The following PKHD1L1 variants were observed in gnomAD, a reference collection of about 807,000 sequenced individuals.
The protein encoded by PKHD1L1 is fibrocystin-L.
Under a neutral mutation model 462.9 loss-of-function variants are expected in PKHD1L1, and 434 were observed. The ratio of observed to expected loss-of-function variants is 0.94; its 90% confidence interval spans 0.87 to 1.02. The LOEUF (loss-of-function observed/expected upper bound fraction) is 1.02. PKHD1L1 is among the 50% of genes least tolerant of loss of function. The pLI is 0.00. For missense variants in PKHD1L1, 5,202 were observed against 5,096.1 expected, an observed-to-expected ratio of 1.02 and a Z score of -0.63; for synonymous variants, 1,781 against 1,750.0, an observed-to-expected ratio of 1.02 and a Z score of -0.44.
At chr8:109,452,355 G>T in intron 42 of PKHD1L1, 75 bp downstream of exon 42, 2 of 1,306,362 alleles carry the variant, frequency 1.5e-6, no homozygotes, top group Non-Finnish European at 2.0e-6. Flanking sequence ...ATTGGTAATT[G>T]TTGTTTTACT....
chr8:109,378,046 GA>G (rs1811927066), intron 2 of PKHD1L1, among the ~76,000 whole-genome samples: 1 of 151,864 alleles, frequency 6.6e-6, no homozygotes, highest in South Asian at 2.1e-4. Context: ...CTGCCCATCT[GA>G]AAAAAAGTAA....
rs1487831540 is a variant in PKHD1L1 at position 109,530,542 on chromosome 8, T to C, written c.*452T>C. ...TTCCAATAATCTAAGCCATTCTAGT[T>C]TCTAAGGATTTTGGAGAGACGAGAT... is the stretch of plus-strand genomic sequence containing the variant. On this transcript the variant is annotated 3_prime_UTR_variant, in exon 78 of 78. Transcript: ENST00000378402. Among the ~76,000 whole-genome samples, 1 of 152,218 alleles carries C rather than the reference T, an allele frequency of 6.6e-6. No homozygotes were observed. Among genetic ancestry groups the C allele is most frequent in the Admixed American group, 6.5e-5 (1 of 15,282 alleles).
intron 23 of PKHD1L1, among the ~76,000 whole-genome samples, chr8:109,423,986 G>A (rs1202182547): frequency 6.6e-6 from 1 of 152,030 alleles, no homozygotes; most frequent in Non-Finnish European, 1.5e-5. Context: ...TGATTTTTGT[G>A]TCTTTATCTT....
intron 38 of PKHD1L1, 105 bp from the exon 39 acceptor site, chr8:109,448,038 A>G: frequency 9.5e-7 from 1 of 1,055,280 alleles, no homozygotes; most frequent in Non-Finnish European, 1.3e-6. Flanking sequence ...TTAGTTTTAA[A>G]ACACTGGTTA....
At chr8:109,529,949 A>G (rs1820990781) in intron 77 of PKHD1L1, 131 bp from the exon 78 acceptor site, 1 of 468,116 alleles carries the variant, frequency 2.1e-6, no homozygotes, top group Non-Finnish European at 3.4e-6. Context: ...CTAACATTAA[A>G]TGGGTAAACT....
At chr8:109,471,621 A>G (rs1427054810) in intron 50 of PKHD1L1, among the ~76,000 whole-genome samples, 1 of 152,154 alleles carries the variant, frequency 6.6e-6, no homozygotes, top group Admixed American at 6.6e-5. Context: ...CCTCACGGTA[A>G]CAAGAGTATG....
intron 27 of PKHD1L1, among the ~76,000 whole-genome samples, chr8:109,430,887 A>G (rs1188900753): frequency 6.6e-6 from 1 of 152,174 alleles, no homozygotes; most frequent in Non-Finnish European, 1.5e-5. Context: ...TCACAAGAAT[A>G]AGGATTTGAT....
chr8:109,442,581 G>A (rs566399616), intron 35 of PKHD1L1, among the ~76,000 whole-genome samples: 4 of 152,250 alleles, frequency 2.6e-5, no homozygotes, highest in African/African-American at 9.6e-5. Context: ...AGTGTAAAAT[G>A]TGCCTTTTAG....
intron 50 of PKHD1L1, among the ~76,000 whole-genome samples, chr8:109,471,453 G>A (rs1183929285): frequency 6.6e-6 from 1 of 152,174 alleles, no homozygotes; most frequent in Non-Finnish European, 1.5e-5. Context: ...TTTACACAGT[G>A]AGACTGTACA....
chr8:109,384,109 C>T lies in PKHD1L1; in HGVS notation c.457C>T (p.Pro153Ser). Reference protein sequence around the residue: ...FRTPTIRSITPLSGTPGTLIT... With the variant: ...FRTPTIRSITSLSGTPGTLIT... ...AACCCCAACAATAAGAAGCATCACACCTTTATCTGGAACTCCAGGTCTGTT... is the reference window on the plus strand; with the variant it reads ...AACCCCAACAATAAGAAGCATCACATCTTTATCTGGAACTCCAGGTCTGTT... Residue 153 changes from proline to serine, a missense_variant, in exon 5 of 78, where the codon CCT (proline) becomes TCT (serine). This residue lies in a region of PKHD1L1 where 4,497 missense variants were observed against 4,336.8 expected (regional missense o/e 1.04). Coordinates refer to ENST00000378402, the MANE Select transcript of PKHD1L1 (RefSeq NM_177531.6). The T allele has an allele frequency of 6.2e-7, 1 of 1,610,882 alleles. No homozygotes were observed. The highest frequency in any genetic ancestry group is 1.1e-5 in the South Asian group (1 of 90,890).
At position 109,435,359 on chromosome 8, in the gene PKHD1L1, T is replaced by C. The variant is rs768674516; in HGVS notation, c.3505+5T>C. ...CTGATTCTGGAAGCATAGCAGGTAATGGTTAATAGTTTAAACAGAGAGAAA... is the reference window on the plus strand; with the variant it reads ...CTGATTCTGGAAGCATAGCAGGTAACGGTTAATAGTTTAAACAGAGAGAAA... On this transcript the variant is annotated splice_donor_5th_base_variant and intron_variant, in intron 29 of 77. Coordinates refer to ENST00000378402, the MANE Select transcript of PKHD1L1 (RefSeq NM_177531.6). 1.9e-6 allele frequency: 3 copies of C among 1,608,592 alleles called. No homozygotes were observed. The highest frequency in any genetic ancestry group is 2.6e-6 in the Non-Finnish European group (3 of 1,176,122).
chr8:109,365,888 C>T (rs1442113794), intron 2 of PKHD1L1, among the ~76,000 whole-genome samples: 1 of 152,142 alleles, frequency 6.6e-6, no homozygotes, highest in Non-Finnish European at 1.5e-5. Flanking sequence ...GCAGAAGAAT[C>T]GCTTGAACCC....
At chr8:109,368,905 C>G (rs1028972703) in intron 2 of PKHD1L1, among the ~76,000 whole-genome samples, 3 of 152,120 alleles carry the variant, frequency 2.0e-5, no homozygotes, top group Non-Finnish European at 4.4e-5. Flanking sequence ...GTACACTCAG[C>G]CTTTCCTGTA....
At chr8:109,419,511 T>G (rs1468314050) in intron 22 of PKHD1L1, among the ~76,000 whole-genome samples, 2 of 152,182 alleles carry the variant, frequency 1.3e-5, no homozygotes, top group Non-Finnish European at 2.9e-5. Flanking sequence ...CAGGATTTTG[T>G]TTATGGATAA....
chr8:109,398,454 T>TA lies in PKHD1L1; in HGVS notation c.923-4dup, dbSNP rs1470527799. The TA allele has an allele frequency of 4.6e-6, 7 of 1,524,502 alleles. No individual in the cohort carries two copies. Among genetic ancestry groups the TA allele is most frequent in the Non-Finnish European group, 6.3e-6 (7 of 1,119,030 alleles). 94.4% of individuals were successfully genotyped at this position (1,524,502 alleles called of 1,614,324 possible). A position where few individuals can be genotyped will look rare whatever the true frequency, so the allele number is the denominator to read the frequency against. ...GTAACGGTTTTGTATCTTGCTTCTC[T>TA]ATAGGTGAACCTTGTGATATTTTGA... is the stretch of plus-strand genomic sequence containing the variant. On this transcript the variant is annotated splice_region_variant and splice_polypyrimidine_tract_variant and intron_variant, in intron 11 of 77. Transcript: ENST00000378402.
At chr8:109,473,869 T>A (rs1817849346) in intron 50 of PKHD1L1, among the ~76,000 whole-genome samples, 1 of 152,140 alleles carries the variant, frequency 6.6e-6, no homozygotes, top group Non-Finnish European at 1.5e-5. Context: ...TGGAGGAGGC[T>A]CTTCTCTTTG....
chr8:109,480,201 T>A, intron 55 of PKHD1L1, 62 bp downstream of exon 55: 1 of 1,466,308 alleles, frequency 6.8e-7, no homozygotes, highest in Non-Finnish European at 9.1e-7. Flanking sequence ...GTGTATTTAC[T>A]CAAATAATAA....
At position 109,364,552 on chromosome 8, in the gene PKHD1L1, T is replaced by A; in HGVS notation, c.79T>A (p.Ser27Thr). ...LCAADPSTDG[S>T]QIIPKVTEII... ...TGTATTTTAATATTTTTCAGATGGC[T>A]CTCAAATAATCCCCAAAGTCACAGA... The change falls in exon 2 of 78, where the codon TCT (serine) becomes ACT (threonine). Residue 27 changes from serine to threonine, a missense_variant. Around this residue, in one of 3 missense-constraint regions of PKHD1L1, gnomAD observed 4,497 missense variants for 4,336.8 expected, o/e 1.04. Transcript: ENST00000378402. 1 of 1,584,822 alleles carries A rather than the reference T, an allele frequency of 6.3e-7. No individual in the cohort carries two copies. Among genetic ancestry groups the A allele is most frequent in the Admixed American group, 1.7e-5 (1 of 58,034 alleles).
intron 46 of PKHD1L1, 44 bp from the exon 47 acceptor site, chr8:109,459,551 C>T: frequency 1.4e-6 from 2 of 1,396,972 alleles, no homozygotes; most frequent in South Asian, 1.5e-5. Flanking sequence ...TATGTTATGT[C>T]AATTTATATT....
Sources: gnomAD v4.1 joint callset for allele counts (sites outside exome capture counted in the v4.1 genomes callset) on GRCh38, gnomAD v4.1.1 for gene constraint, gnomAD v4.1.1 regional missense constraint, MANE v1.5 for transcripts, NCBI Gene and HGNC (gene_info 2026-07-23, HGNC 2026-07-21) for gene names.